SNX13: variants seen among roughly 807,000 people sequenced by gnomAD.
SNX13 encodes the protein sorting nexin 13, also known as sorting nexin-13.
In SNX13, 45 loss-of-function variants were observed where a neutral mutation model predicts 133.6. The observed-to-expected ratio is 0.34, with a 90% CI of 0.27 to 0.43. The LOEUF (loss-of-function observed/expected upper bound fraction) is 0.43. Among genes scored for constraint, SNX13 ranks in the 20% least tolerant of loss-of-function variants. SNX13 has a pLI of 1.00. For missense variants in SNX13, 1,032 were observed against 1,145.1 expected, an observed-to-expected ratio of 0.90 and a Z score of 1.43; for synonymous variants, 414 against 373.9, an observed-to-expected ratio of 1.11 and a Z score of -1.24.
intron 3 of SNX13, among the ~76,000 whole-genome samples, chr7:17,893,105 C>A (rs947385760): frequency 6.6e-6 from 1 of 152,124 alleles, no homozygotes; most frequent in East Asian, 1.9e-4. Context: ...CAATTTCTAT[C>A]GTTTTCTCAA....
At chr7:17,865,893 AAC>A (rs1321673729) in intron 9 of SNX13, among the ~76,000 whole-genome samples, 1 of 152,180 alleles carries the variant, frequency 6.6e-6, no homozygotes, top group Non-Finnish European at 1.5e-5. Context: ...TGGGGAAAAA[AAC>A]AGTCACTTTA....
At chr7:17,893,762 C>T (rs1796897660) in intron 2 of SNX13, among the ~76,000 whole-genome samples, 1 of 151,876 alleles carries the variant, frequency 6.6e-6, no homozygotes, top group African/African-American at 2.4e-5. Flanking sequence ...ATCACAAGGT[C>T]AGGAGTTCGA....
At chr7:17,901,494 G>A (rs890852735) in intron 1 of SNX13, among the ~76,000 whole-genome samples, 1 of 152,126 alleles carries the variant, frequency 6.6e-6, no homozygotes, top group Admixed American at 6.5e-5. Flanking sequence ...CCACTGGGAT[G>A]GGCAATTCCC....
At chr7:17,926,828 G>A (rs1800803659) in intron 1 of SNX13, among the ~76,000 whole-genome samples, 1 of 152,206 alleles carries the variant, frequency 6.6e-6, no homozygotes, top group African/African-American at 2.4e-5. Context: ...CAAGGCTGCA[G>A]TGAGCCGTGT....
chr7:17,940,304 C>A lies in SNX13; in HGVS notation c.-9G>T. 2 of 1,566,248 alleles carry A rather than the reference C, an allele frequency of 1.3e-6. No individual in the cohort carries two copies. The highest frequency in any genetic ancestry group is 1.7e-6 in the Non-Finnish European group (2 of 1,155,450). On this transcript the variant is annotated 5_prime_UTR_variant, in exon 1 of 26. Coordinates refer to ENST00000428135, the MANE Select transcript of SNX13 (RefSeq NM_015132.5). ...CTTACCTCAGTTAACATTATTACAC[C>A]CCGGGGAAGTGAGGTCCTCCCTAGC... is the stretch of plus-strand genomic sequence containing the variant.
At chr7:17,834,280 C>T in intron 14 of SNX13, 96 bp from the exon 15 acceptor site, 1 of 1,041,054 alleles carries the variant, frequency 9.6e-7, no homozygotes, top group Non-Finnish European at 1.3e-6. Flanking sequence ...GAGGTCTTGC[C>T]ATAATGTATC....
intron 9 of SNX13, among the ~76,000 whole-genome samples, chr7:17,854,049 A>T (rs1583487509): frequency 6.6e-6 from 1 of 152,226 alleles, no homozygotes; most frequent in Non-Finnish European, 1.5e-5. Context: ...CAAAACTGAA[A>T]TTTGTACCTA....
At chr7:17,928,990 T>C (rs1181061424) in intron 1 of SNX13, among the ~76,000 whole-genome samples, 4 of 89,912 alleles carry the variant, frequency 4.4e-5, no homozygotes, top group Non-Finnish European at 1.1e-4. Flanking sequence ...AAAGCATTTT[T>C]CAAACCTATA....
chr7:17,801,009 C>CATATATATATATAT (rs71010273), intron 22 of SNX13, among the ~76,000 whole-genome samples: 23 of 120,196 alleles, frequency 1.9e-4, no homozygotes, highest in Middle Eastern at 4.1e-3. Flanking sequence ...TAAAACTGAA[C>CATATATATATATAT]ATATATATAT....
intron 1 of SNX13, among the ~76,000 whole-genome samples, chr7:17,907,585 G>A (rs1798532847): frequency 6.6e-6 from 1 of 152,114 alleles, no homozygotes; most frequent in South Asian, 2.1e-4. Context: ...CACCTGCAAG[G>A]CAATAACTGG....
intron 2 of SNX13, among the ~76,000 whole-genome samples, chr7:17,893,802 G>A (rs1037624419): frequency 6.6e-5 from 10 of 151,618 alleles, no homozygotes; most frequent in East Asian, 3.9e-4. Flanking sequence ...GTGAAACCCC[G>A]TCTCTACTAA....
chr7:17,828,470 T>C (rs1006917839), intron 16 of SNX13, among the ~76,000 whole-genome samples: 1 of 151,706 alleles, frequency 6.6e-6, no homozygotes, highest in Non-Finnish European at 1.5e-5. Flanking sequence ...AAGGAAATGC[T>C]TGTAATTTAC....
intron 1 of SNX13, among the ~76,000 whole-genome samples, chr7:17,923,199 T>C (rs968527509): frequency 2.0e-5 from 3 of 152,156 alleles, no homozygotes; most frequent in African/African-American, 7.2e-5. Flanking sequence ...AAACATGAAA[T>C]ATCCTGTTTG....
chr7:17,808,543 C>G (rs1012725524), intron 20 of SNX13, among the ~76,000 whole-genome samples: 1 of 152,160 alleles, frequency 6.6e-6, no homozygotes, highest in South Asian at 2.1e-4. Flanking sequence ...AGGATATTAT[C>G]CAGGAGAACT....
At chr7:17,813,859 T>TCCC (rs1786341799) in intron 20 of SNX13, among the ~76,000 whole-genome samples, 3 of 152,220 alleles carry the variant, frequency 2.0e-5, no homozygotes, top group Non-Finnish European at 2.9e-5. Flanking sequence ...GCGCTGGGAT[T>TCCC]ACAGGCATGA....
chr7:17,801,471 A>G lies in SNX13; in HGVS notation c.2298+117T>C, dbSNP rs1383843147. The G allele has an allele frequency of 1.1e-5, 8 of 723,526 alleles. No homozygotes were observed. The Admixed American group carries it at 1.3e-4, about 12-fold the overall frequency. 44.8% of individuals were successfully genotyped at this position (723,526 alleles called of 1,614,324 possible). ...ATGTTCAGTTTGTAAGAATTCATCA[A>G]GCTTAACACTTATAATATGTGCACA... On this transcript the variant is annotated intron_variant, in intron 22 of 25. Transcript: ENST00000428135.
intron 21 of SNX13, 22 bp from the exon 22 acceptor site, chr7:17,801,681 C>G: frequency 6.4e-7 from 1 of 1,564,196 alleles, no homozygotes; most frequent in Non-Finnish European, 8.7e-7. Flanking sequence ...ACCAAATCCA[C>G]AAAGTAAACA....
In SNX13 at chr7:17,936,746, C is replaced by T. The variant is rs1334820558; in HGVS notation, c.12+3538G>A. ...ATTATCTTCTAATGTTGTGAAAACT[C>T]GGATTAATTAAAACAAATTCTCAGG... On this transcript the variant is annotated intron_variant, in intron 1 of 25. Coordinates refer to ENST00000428135, the MANE Select transcript of SNX13 (RefSeq NM_015132.5). Among the ~76,000 whole-genome samples, 3 of 150,652 alleles carry T rather than the reference C, an allele frequency of 2.0e-5. No homozygotes were observed. The East Asian group carries it at 5.8e-4, about 29-fold the overall frequency.
At chr7:17,902,218 G>A (rs1797910760) in intron 1 of SNX13, among the ~76,000 whole-genome samples, 2 of 139,860 alleles carry the variant, frequency 1.4e-5, no homozygotes, top group South Asian at 4.8e-4. Context: ...ATTTAACAGT[G>A]AAAAAACAGT....
Sources: gnomAD v4.1 joint callset for allele counts (sites outside exome capture counted in the v4.1 genomes callset) on GRCh38, gnomAD v4.1.1 for gene constraint, MANE v1.5 for transcripts, NCBI Gene and HGNC (gene_info 2026-07-23, HGNC 2026-07-21) for gene names.